FGD3: variants seen among roughly 807,000 people sequenced by gnomAD.
The protein encoded by FGD3 is FYVE, RhoGEF and PH domain-containing protein 3.
A neutral mutation model predicts 71.8 loss-of-function variants in FGD3; 45 were observed. The observed-to-expected ratio is 0.63, with a 90% CI of 0.49 to 0.80. The LOEUF is 0.80. Among genes scored for constraint, FGD3 ranks in the 30% least tolerant of loss-of-function variants. The pLI is 0.00. For synonymous variants in FGD3, 378 were observed against 392.8 expected (o/e 0.96, Z 0.44); for missense variants, 844 against 951.5 (o/e 0.89, Z 1.49).
chr9:93,011,633 G>A (rs1418814977), intron 8 of FGD3, among the ~76,000 whole-genome samples: 5 of 152,146 alleles, frequency 3.3e-5, no homozygotes, highest in Middle Eastern at 3.4e-3. Context: ...CGAGGCGGGC[G>A]GATCATGAGG....
chr9:92,977,148 C>G (rs530679515), intron 3 of FGD3, among the ~76,000 whole-genome samples: 3 of 152,184 alleles, frequency 2.0e-5, no homozygotes. Context: ...ACCTGGCCAG[C>G]GTCACCTATG....
chr9:93,033,315 T>G (rs1587876733), intron 16 of FGD3: 1 of 196,928 alleles, frequency 5.1e-6, no homozygotes, highest in Non-Finnish European at 9.5e-6. Context: ...CTCCTCCTCC[T>G]CCCCGTCCCC....
chr9:93,016,904 A>G (rs1564165672), intron 10 of FGD3, among the ~76,000 whole-genome samples: 1 of 152,250 alleles, frequency 6.6e-6, no homozygotes, highest in Non-Finnish European at 1.5e-5. Context: ...TACAGGCATC[A>G]GCCACCGTGC....
At chr9:92,965,552 C>T (rs1034441276) in intron 1 of FGD3, among the ~76,000 whole-genome samples, 1 of 152,232 alleles carries the variant, frequency 6.6e-6, no homozygotes, top group African/African-American at 2.4e-5. Flanking sequence ...GGCGGAGGTC[C>T]ACGTCTACAC....
chr9:93,008,262 A>T (rs1444144286), intron 6 of FGD3, among the ~76,000 whole-genome samples: 3 of 152,228 alleles, frequency 2.0e-5, no homozygotes, highest in Non-Finnish European at 4.4e-5. Context: ...CTCCCAGCAC[A>T]GTGATCAAAA....
intron 7 of FGD3, 23 bp downstream of exon 7, chr9:93,010,407 C>A: frequency 6.3e-7 from 1 of 1,590,650 alleles, no homozygotes; most frequent in Non-Finnish European, 8.6e-7. Context: ...CAAGGGCTCC[C>A]AGGAGGGTGC....
intron 3 of FGD3, among the ~76,000 whole-genome samples, chr9:93,001,864 G>A (rs984753188): frequency 6.6e-6 from 1 of 152,154 alleles, no homozygotes; most frequent in Non-Finnish European, 1.5e-5. Flanking sequence ...TGAAGTCAGA[G>A]CCATCATGAA....
chr9:92,952,888 G>A (rs1323938214), intron 1 of FGD3, among the ~76,000 whole-genome samples: 3 of 152,102 alleles, frequency 2.0e-5, no homozygotes, highest in Non-Finnish European at 2.9e-5. Flanking sequence ...GCCCTTAAAG[G>A]AAACCTAAAT....
At chr9:93,029,685 G>A (rs779201562) in intron 14 of FGD3, among the ~76,000 whole-genome samples, 189 bp from the exon 15 acceptor site, 9 of 152,260 alleles carry the variant, frequency 5.9e-5, no homozygotes, top group East Asian at 1.9e-4. Flanking sequence ...ACAGGCAGCC[G>A]CTGGGAGGTG....
chr9:93,010,241 C>T lies in FGD3; in HGVS notation c.838-5C>T. On this transcript the variant is annotated splice_polypyrimidine_tract_variant and splice_region_variant and intron_variant, in intron 6 of 17. Transcript: ENST00000375482. ...GAGTGCCCAATGCTCCCTCTGTCCC[C>T]ACAGAAGCAGGAGGTATGCGGGAAC... 1.2e-6 allele frequency: 2 copies of T among 1,604,112 alleles called. No individual in the cohort carries two copies. The highest frequency in any genetic ancestry group is 8.5e-7 in the Non-Finnish European group (1 of 1,172,908).
chr9:92,965,370 C>T (rs116303372), intron 1 of FGD3, among the ~76,000 whole-genome samples: 2,760 of 152,330 alleles, frequency 0.018, 95 homozygotes, highest in African/African-American at 0.063. Flanking sequence ...TTGCCCTGGG[C>T]CCCCCAGCCT....
intron 3 of FGD3, 97 bp downstream of exon 3, chr9:92,976,806 A>G (rs1488056816): frequency 1.5e-6 from 2 of 1,304,568 alleles, no homozygotes; most frequent in African/African-American, 3.0e-5. Flanking sequence ...CCTTGTTTCC[A>G]GGAATGTGGC....
intron 1 of FGD3, among the ~76,000 whole-genome samples, chr9:92,956,148 C>T (rs762621037): frequency 2.0e-5 from 3 of 152,070 alleles, no homozygotes; most frequent in Non-Finnish European, 2.9e-5. Context: ...TGTTTGTTTT[C>T]GCTTCTTGGC....
intron 14 of FGD3, among the ~76,000 whole-genome samples, chr9:93,023,069 G>T (rs2118800831): frequency 6.6e-6 from 1 of 152,304 alleles, no homozygotes; most frequent in Middle Eastern, 3.4e-3. Context: ...TGGTGCCCAG[G>T]CCTGGCACTC....
intron 3 of FGD3, among the ~76,000 whole-genome samples, chr9:92,990,928 C>T (rs1228465276): frequency 6.6e-6 from 1 of 152,064 alleles, no homozygotes; most frequent in Non-Finnish European, 1.5e-5. Context: ...TTATGATGAC[C>T]TTGTAAAATG....
intron 1 of FGD3, among the ~76,000 whole-genome samples, chr9:92,961,969 A>G (rs543242674): frequency 4.2e-4 from 64 of 152,332 alleles, no homozygotes; most frequent in African/African-American, 1.3e-3. Context: ...CCTATTGTAC[A>G]GTAGTGTCCA....
chr9:92,961,080 C>T (rs949509852), intron 1 of FGD3, among the ~76,000 whole-genome samples: 6 of 152,172 alleles, frequency 3.9e-5, no homozygotes, highest in African/African-American at 1.4e-4. Flanking sequence ...CCATCCTGGC[C>T]TCTGTGGTCC....
chr9:92,952,323 G>T (rs185689809), intron 1 of FGD3, among the ~76,000 whole-genome samples: 1 of 146,324 alleles, frequency 6.8e-6, no homozygotes, highest in South Asian at 2.2e-4. Context: ...TGCAAGCTCC[G>T]CTTCCTGGCT....
chr9:92,959,951 T>A (rs1859139109), intron 1 of FGD3, among the ~76,000 whole-genome samples: 1 of 151,892 alleles, frequency 6.6e-6, no homozygotes, highest in South Asian at 2.1e-4. Flanking sequence ...CGTGTTCTCA[T>A]TCCTCATGTC....
Sources: gnomAD v4.1 joint callset for allele counts (sites outside exome capture counted in the v4.1 genomes callset) on GRCh38, gnomAD v4.1.1 for gene constraint, MANE v1.5 for transcripts, NCBI Gene and HGNC (gene_info 2026-07-23, HGNC 2026-07-21) for gene names.